EFL1: variants seen among roughly 807,000 people sequenced by gnomAD.
EFL1 encodes elongation factor-like GTPase 1.
EFL1 carries 76 observed loss-of-function variants against 126.7 expected under a neutral mutation model. The ratio of observed to expected loss-of-function variants is 0.60; its 90% CI spans 0.50 to 0.73. The LOEUF (loss-of-function observed/expected upper bound fraction) is 0.73, where lower values mean the gene tolerates loss of function less well. Among genes scored for constraint, EFL1 ranks in the 30% least tolerant of loss-of-function variants. The pLI is 0.00. For synonymous variants in EFL1, 410 were observed against 448.4 expected, an observed-to-expected ratio of 0.91 and a Z score of 1.08; for missense variants, 1,128 against 1,343.2, an observed-to-expected ratio of 0.84 and a Z score of 2.50.
Position 82,240,419 on chromosome 15 carries a change from T to C in EFL1, c.515A>G (p.Gln172Arg), listed in dbSNP as rs200883252. ...TTTAAATACTAAAAATTAAAATACC[T>C]GTTCTAAAATATTCTTGAGGTGAGA... is the stretch of plus-strand genomic sequence containing the variant. ...AYSHLKNILE[Q>R]INALTGTLFT... Residue 172 changes from glutamine to arginine, a missense_variant and splice_region_variant, in exon 6 of 20, where the codon CAG (glutamine) becomes CGG (arginine). Gln to Arg is a conservative substitution (Grantham distance 43). This residue lies in a region of EFL1 where 316 missense variants were observed against 318.5 expected (regional missense o/e 0.99). Coordinates refer to ENST00000268206, the MANE Select transcript of EFL1 (RefSeq NM_024580.6). 573 of 1,577,710 alleles carry C rather than the reference T, an allele frequency of 3.6e-4. No individual in the cohort carries two copies. The highest frequency in any genetic ancestry group is 4.5e-4 in the Non-Finnish European group (522 of 1,161,864).
chr15:82,142,919 C>T (rs541137966), intron 18 of EFL1, among the ~76,000 whole-genome samples: 9 of 152,308 alleles, frequency 5.9e-5, no homozygotes, highest in African/African-American at 2.2e-4. Context: ...CTCTAATACC[C>T]AAGCTCAAAA....
chr15:82,235,331 C>T (rs1018067176), intron 7 of EFL1, among the ~76,000 whole-genome samples: 2 of 152,114 alleles, frequency 1.3e-5, no homozygotes, highest in African/African-American at 2.4e-5. Context: ...ACTTTTGCTA[C>T]TGTTGGTATC....
At chr15:82,207,688 G>A (rs1278261787) in intron 15 of EFL1, among the ~76,000 whole-genome samples, 1 of 150,902 alleles carries the variant, frequency 6.6e-6, no homozygotes, top group African/African-American at 2.4e-5. Flanking sequence ...TAGCTTATCT[G>A]CATTTTCAAA....
At chr15:82,229,220 T>A in intron 8 of EFL1, 110 bp from the exon 9 acceptor site, 1 of 866,744 alleles carries the variant, frequency 1.2e-6, no homozygotes, top group Non-Finnish European at 1.7e-6. Context: ...CTTGAAAATA[T>A]TTATTCAAAA....
intron 15 of EFL1, among the ~76,000 whole-genome samples, chr15:82,187,432 T>C (rs752881705): frequency 6.6e-6 from 1 of 152,206 alleles, no homozygotes; most frequent in Non-Finnish European, 1.5e-5. Flanking sequence ...ATTAGAATTA[T>C]TTTGAACAAT....
At chr15:82,226,549 G>T (rs1054103800) in intron 11 of EFL1, among the ~76,000 whole-genome samples, 1 of 152,304 alleles carries the variant, frequency 6.6e-6, no homozygotes, top group Non-Finnish European at 1.5e-5. Flanking sequence ...ACTGAGATGG[G>T]AATGACTAGG....
At chr15:82,258,715 T>G (rs1314406618) in intron 3 of EFL1, among the ~76,000 whole-genome samples, 1 of 152,188 alleles carries the variant, frequency 6.6e-6, no homozygotes, top group Non-Finnish European at 1.5e-5. Flanking sequence ...TCCACTCAAA[T>G]AGAGCACAAC....
At position 82,249,482 on chromosome 15, in the gene EFL1, C is replaced by T. The variant is rs570747224; in HGVS notation, c.244+3209G>A. Reference sequence around the variant, plus strand: ...ATAAAAAATGGCTATACAGTAGAAACGACTGCAGTATTCCTTTTGATGAAT... The same window carrying T: ...ATAAAAAATGGCTATACAGTAGAAATGACTGCAGTATTCCTTTTGATGAAT... On this transcript the variant is annotated intron_variant, in intron 4 of 19. Transcript: ENST00000268206. Among the ~76,000 whole-genome samples the T allele has an allele frequency of 1.3e-4, 20 of 151,944 alleles. 1 individual carries two copies. Among genetic ancestry groups the T allele is most frequent in the Non-Finnish European group, 2.2e-4 (15 of 68,010 alleles).
chr15:82,158,468 T>C lies in EFL1; in HGVS notation c.1883-608A>G, dbSNP rs2073989716. 2.0e-5 allele frequency among the ~76,000 whole-genome samples: 3 copies of C among 152,186 alleles called. No homozygotes were observed. The South Asian group carries it at 6.2e-4, about 31-fold the overall frequency. ...GTAGGGATAGGGACTGTGACCTACA[T>C]CTTGGGTTTAGCTGCTTTTTCACCC... is the stretch of plus-strand genomic sequence containing the variant. On this transcript the variant is annotated intron_variant, in intron 16 of 19. Coordinates refer to ENST00000268206, the MANE Select transcript of EFL1 (RefSeq NM_024580.6).
chr15:82,186,599 C>T (rs1021832215), intron 15 of EFL1, among the ~76,000 whole-genome samples: 1 of 152,208 alleles, frequency 6.6e-6, no homozygotes, highest in East Asian at 1.9e-4. Context: ...ATAATTAACT[C>T]GATTATAAAT....
At chr15:82,215,848 C>T (rs1215476010) in intron 14 of EFL1, among the ~76,000 whole-genome samples, 1 of 152,134 alleles carries the variant, frequency 6.6e-6, no homozygotes, top group African/African-American at 2.4e-5. Context: ...CTTTCAGGCA[C>T]ATGTTACATC....
intron 15 of EFL1, among the ~76,000 whole-genome samples, chr15:82,194,296 T>C (rs1391256847): frequency 6.6e-6 from 1 of 152,152 alleles, no homozygotes; most frequent in Non-Finnish European, 1.5e-5. Context: ...TCCATAAATA[T>C]TTCTTGAGTA....
chr15:82,256,165 T>G (rs1357223890), intron 3 of EFL1, among the ~76,000 whole-genome samples: 1 of 152,146 alleles, frequency 6.6e-6, no homozygotes, highest in Non-Finnish European at 1.5e-5. Flanking sequence ...CAGGCCGGAG[T>G]GCAGTTGCTG....
Position 82,151,749 on chromosome 15 carries a change from A to C in EFL1, c.2705T>G (p.Phe902Cys), listed in dbSNP as rs146225363. ...FVLEKWDLSKFEEQGASDLAK... is the reference protein window; with the variant it reads ...FVLEKWDLSKCEEQGASDLAK... ...CAGATCACTTGCTCCTTGTTCCTCA[A>C]ATTTACTTAGGTCCCATTTTTCCAG... Residue 902 changes from phenylalanine (F) to cysteine (C), a missense_variant, in exon 18 of 20, where the codon TTT becomes TGT. Physicochemically the swap from Phe to Cys is radical, Grantham distance 205. Transcript: ENST00000268206. 2 of 1,613,976 alleles carry C rather than the reference A, an allele frequency of 1.2e-6. No homozygotes were observed. The highest frequency in any genetic ancestry group is 1.3e-5 in the African/African-American group (1 of 74,964).
intron 15 of EFL1, among the ~76,000 whole-genome samples, chr15:82,194,842 A>T (rs534067301): frequency 6.6e-6 from 1 of 152,224 alleles, no homozygotes; most frequent in African/African-American, 2.4e-5. Context: ...CTAGTAGTCA[A>T]TGTTTTCGGA....
chr15:82,172,587 C>T (rs916456419), intron 15 of EFL1, among the ~76,000 whole-genome samples: 1 of 152,162 alleles, frequency 6.6e-6, no homozygotes, highest in African/African-American at 2.4e-5. Flanking sequence ...AAATCTAATT[C>T]CATTTTAATA....
intron 18 of EFL1, among the ~76,000 whole-genome samples, chr15:82,145,767 C>T (rs970223932): frequency 6.7e-6 from 1 of 149,402 alleles, no homozygotes; most frequent in African/African-American, 2.5e-5. Flanking sequence ...CCCAGGGGAG[C>T]GGAGGTTGCA....
intron 7 of EFL1, among the ~76,000 whole-genome samples, chr15:82,238,017 G>A (rs188200786): frequency 2.1e-4 from 32 of 152,308 alleles, no homozygotes; most frequent in African/African-American, 7.7e-4. Flanking sequence ...GGGTGGGAAG[G>A]AAGTAGCTGT....
At chr15:82,152,927 T>G (rs997582871) in intron 17 of EFL1, among the ~76,000 whole-genome samples, 3 of 152,198 alleles carry the variant, frequency 2.0e-5, no homozygotes, top group African/African-American at 4.8e-5. Flanking sequence ...ATCCATGAGT[T>G]TGTCTAGAGC....
Sources: gnomAD v4.1 joint callset for allele counts (sites outside exome capture counted in the v4.1 genomes callset) on GRCh38, gnomAD v4.1.1 for gene constraint, gnomAD v4.1.1 regional missense constraint, MANE v1.5 for transcripts, NCBI Gene and HGNC (gene_info 2026-07-23, HGNC 2026-07-21) for gene names.